PRMT9: variants seen among roughly 807,000 people sequenced by gnomAD.
PRMT9 encodes protein arginine methyltransferase 9, also known as protein arginine N-methyltransferase 9.
In PRMT9, 59 loss-of-function variants were observed where a neutral mutation model predicts 83.2. That is an observed-to-expected ratio of 0.71 (90% confidence interval 0.57 to 0.88). The LOEUF (loss-of-function observed/expected upper bound fraction) is 0.88. Among genes scored for constraint, PRMT9 ranks in the 40% least tolerant of loss-of-function variants. The pLI, the probability that PRMT9 is intolerant of heterozygous loss-of-function variation, is 0.00. For missense variants in PRMT9, 947 were observed against 1,021.9 expected (o/e 0.93, Z 1.00); for synonymous variants, 333 against 353.2 (o/e 0.94, Z 0.64).
chr4:147,649,191 AGAGAGAGAGAGAAGAGG>A (rs1406723091), intron 9 of PRMT9, among the ~76,000 whole-genome samples: 2 of 151,260 alleles, frequency 1.3e-5, no homozygotes, highest in African/African-American at 4.9e-5. Context: ...GAGAAGAGGG[AGAGAGAGAGAGAAGAGG>A]GAGAGAGAGA....
intron 2 of PRMT9, among the ~76,000 whole-genome samples, chr4:147,676,889 C>T (rs1736121664): frequency 6.6e-6 from 1 of 151,740 alleles, no homozygotes; most frequent in African/African-American, 2.4e-5. Flanking sequence ...ACTAAAAATA[C>T]AAAAATTAGC....
chr4:147,683,741 T>A, intron 1 of PRMT9, 58 bp downstream of exon 1: 9 of 1,458,860 alleles, frequency 6.2e-6, no homozygotes, highest in East Asian at 2.3e-5. Context: ...TTCTGTTTTT[T>A]TTTTTTTTTT....
At chr4:147,662,351 A>G (rs1208495258) in intron 6 of PRMT9, among the ~76,000 whole-genome samples, 2 of 152,212 alleles carry the variant, frequency 1.3e-5, no homozygotes. Flanking sequence ...TGGTAAAGAG[A>G]TGGGGTTTCT....
intron 10 of PRMT9, 126 bp from the exon 11 acceptor site, chr4:147,639,208 G>T: frequency 1.2e-6 from 1 of 836,936 alleles, no homozygotes; most frequent in Non-Finnish European, 1.9e-6. Flanking sequence ...GTACTTGACA[G>T]AATGCTTTTT....
Position 147,639,364 on chromosome 4 carries a change from T to A in PRMT9, c.2200-282A>T, listed in dbSNP as rs1733229214. The A allele has an allele frequency of 1.4e-5, 5 of 363,192 alleles. No homozygotes were observed. The Admixed American group carries it at 2.1e-4, about 16-fold the overall frequency. 22.5% of individuals were successfully genotyped at this position (363,192 alleles called of 1,614,324 possible). On this transcript the variant is annotated intron_variant, in intron 10 of 11. Coordinates refer to ENST00000322396, the MANE Select transcript of PRMT9 (RefSeq NM_138364.4). The stretch of plus-strand genomic sequence containing the variant: ...TTTCCATTACCTGTAGATCTTTCAT[T>A]TGGATGAGAGCAGATTAAATTTTTT...
In PRMT9 at chr4:147,683,845, T is replaced by TA; in HGVS notation, c.142dup (p.Tyr48LeufsTer28). ...CGGCGCCAGGCTGAGCACGAGGAGG[T>TA]AGTGGGCATAGGCAGTGCCGAAGTC... On this transcript the variant is annotated frameshift_variant, in exon 1 of 12. Coordinates refer to ENST00000322396, the MANE Select transcript of PRMT9 (RefSeq NM_138364.4). LOFTEE classifies it high-confidence loss of function. The TA allele has an allele frequency of 6.2e-7, 1 of 1,610,500 alleles. No homozygotes were observed. The highest frequency in any genetic ancestry group is 8.5e-7 in the Non-Finnish European group (1 of 1,179,602).
chr4:147,652,990 AATAG>A (rs376595173), intron 9 of PRMT9, among the ~76,000 whole-genome samples: 243 of 152,286 alleles, frequency 1.6e-3, no homozygotes, highest in South Asian at 0.012. Context: ...ATTTTATATA[AATAG>A]ATAAATTAAA....
chr4:147,661,077 A>AT (rs752078382), intron 6 of PRMT9, 39 bp from the exon 7 acceptor site: 6 of 1,347,642 alleles, frequency 4.5e-6, no homozygotes, highest in Admixed American at 1.7e-5. Context: ...AGGAAGATGG[A>AT]TTTTTTTAGA....
chr4:147,668,653 AAATAAC>A lies in PRMT9; in HGVS notation c.847-14_847-9del. 2.0e-6 allele frequency: 3 copies of A among 1,469,620 alleles called. No individual in the cohort carries two copies. The highest frequency in any genetic ancestry group is 1.7e-5 in the Admixed American group (1 of 59,792). The allele number at this position is 1,469,620 out of a possible 1,614,324, so 91.0% of individuals were successfully genotyped here. A position where few individuals can be genotyped will look rare whatever the true frequency, so the allele number is the denominator to read the frequency against. ...AGCACTTTCACCTTTGGTCTAAAAA[AAATAAC>A]AATAAGAATTATGTTATCACATGTA... is the stretch of plus-strand genomic sequence containing the variant. On this transcript the variant is annotated splice_polypyrimidine_tract_variant and intron_variant, in intron 5 of 11. Transcript: ENST00000322396.
At position 147,661,013 on chromosome 4, in the gene PRMT9, T is replaced by C. The variant is rs1734912872; in HGVS notation, c.979A>G (p.Ile327Val). The change falls in exon 7 of 12, where the codon ATC becomes GTC. Residue 327 changes from isoleucine to valine, a missense_variant. Ile to Val is a conservative substitution (Grantham distance 29). Transcript: ENST00000322396. ...HRVGIKDIAG[I>V]HLPTNVKFQS... Reference sequence around the variant, plus strand: ...AATTTCACATTTGTTGGCAAATGGATACCAGCAATGTCCTTAATACCCACT... The same window carrying C: ...AATTTCACATTTGTTGGCAAATGGACACCAGCAATGTCCTTAATACCCACT... 6.2e-7 allele frequency: 1 copy of C among 1,612,128 alleles called. No homozygotes were observed. The highest frequency in any genetic ancestry group is 2.2e-5 in the East Asian group (1 of 44,828).
At chr4:147,640,752 C>G (rs1441000325) in intron 10 of PRMT9, among the ~76,000 whole-genome samples, 1 of 152,214 alleles carries the variant, frequency 6.6e-6, no homozygotes, top group Non-Finnish European at 1.5e-5. Flanking sequence ...CAGGGTCAGT[C>G]TTGCTGTTGC....
Position 147,668,236 on chromosome 4 carries a change from G to T in PRMT9, c.953+303C>A, listed in dbSNP as rs529850182. Reference sequence around the variant, plus strand: ...AGGGAAGTGACTGGATTATGAGAACGGTTTCTTCCACACTGTTCTCATGAT... The same window carrying T: ...AGGGAAGTGACTGGATTATGAGAACTGTTTCTTCCACACTGTTCTCATGAT... On this transcript the variant is annotated intron_variant, in intron 6 of 11. Transcript: ENST00000322396. Among the ~76,000 whole-genome samples the T allele has an allele frequency of 1.1e-4, 16 of 152,258 alleles. No homozygotes were observed. The East Asian group carries it at 3.1e-3, about 29-fold the overall frequency.
chr4:147,682,616 T>C (rs1261734925), intron 1 of PRMT9, among the ~76,000 whole-genome samples: 1 of 152,250 alleles, frequency 6.6e-6, no homozygotes, highest in Non-Finnish European at 1.5e-5. Context: ...AGTCTAAATA[T>C]ACTTTTAATA....
chr4:147,642,996 A>G, intron 9 of PRMT9, 56 bp from the exon 10 acceptor site: 2 of 1,536,818 alleles, frequency 1.3e-6, no homozygotes, highest in South Asian at 2.2e-5. Flanking sequence ...ACAGTGGCTC[A>G]CGCCTGTAAT....
intron 6 of PRMT9, among the ~76,000 whole-genome samples, chr4:147,663,426 G>A (rs192238896): frequency 7.2e-5 from 11 of 152,122 alleles, no homozygotes; most frequent in African/African-American, 2.7e-4. Flanking sequence ...ACAAAGGTGT[G>A]ATCTTGGCTC....
chr4:147,644,820 G>T (rs1287808097), intron 9 of PRMT9, among the ~76,000 whole-genome samples: 2 of 152,218 alleles, frequency 1.3e-5, no homozygotes, highest in African/African-American at 2.4e-5. Flanking sequence ...TGAAGGGAGA[G>T]AAGGGTGGGT....
intron 8 of PRMT9, among the ~76,000 whole-genome samples, chr4:147,656,638 G>A (rs1734507058): frequency 6.6e-6 from 1 of 151,746 alleles, no homozygotes; most frequent in African/African-American, 2.4e-5. Context: ...TGGGCGTGGT[G>A]GCATGCACCT....
At chr4:147,660,700 T>C in intron 7 of PRMT9, 146 bp downstream of exon 7, 1 of 615,068 alleles carries the variant, frequency 1.6e-6, no homozygotes, top group East Asian at 2.8e-5. Flanking sequence ...CAGGAAGAAA[T>C]TCTAATTACC....
At chr4:147,665,644 G>C (rs560786654) in intron 6 of PRMT9, among the ~76,000 whole-genome samples, 2 of 152,278 alleles carry the variant, frequency 1.3e-5, no homozygotes, top group Admixed American at 1.3e-4. Context: ...AGAAGCTATA[G>C]TTCCTTTTGG....
Sources: gnomAD v4.1 joint callset for allele counts (sites outside exome capture counted in the v4.1 genomes callset) on GRCh38, gnomAD v4.1.1 for gene constraint, MANE v1.5 for transcripts, NCBI Gene and HGNC (gene_info 2026-07-23, HGNC 2026-07-21) for gene names.